The following RNFT2 variants were observed in gnomAD, a reference collection of about 807,000 sequenced individuals.
The protein encoded by RNFT2 is E3 ubiquitin-protein ligase RNFT2.
In RNFT2, 36 loss-of-function variants were observed where a neutral mutation model predicts 53.0. The observed-to-expected ratio is 0.68, with a 90% CI of 0.52 to 0.90. The LOEUF is 0.90. RNFT2 is among the 40% of genes least tolerant of loss of function. The pLI is 0.00. For missense variants in RNFT2, 514 were observed against 585.6 expected (o/e 0.88, Z 1.26); for synonymous variants, 260 against 253.2 (o/e 1.03, Z -0.26).
chr12:116,808,234 G>C (rs116237247), intron 7 of RNFT2, among the ~76,000 whole-genome samples: 1 of 151,944 alleles, frequency 6.6e-6, no homozygotes, highest in South Asian at 2.1e-4. Flanking sequence ...TAAAGTGCTC[G>C]TAAGCCACCA....
intron 7 of RNFT2, among the ~76,000 whole-genome samples, chr12:116,827,021 A>T (rs1347976654): frequency 6.6e-6 from 1 of 152,062 alleles, no homozygotes; most frequent in Non-Finnish European, 1.5e-5. Context: ...GGAGTTCGAG[A>T]CCAGCCTGGG....
chr12:116,750,902 ATATATATT>A (rs1872216905), intron 4 of RNFT2, among the ~76,000 whole-genome samples: 3 of 16,082 alleles, frequency 1.9e-4, no homozygotes, highest in Admixed American at 7.3e-4. Flanking sequence ...ATATATATAT[ATATATATT>A]TTTTTTTGAG....
Position 116,753,964 on chromosome 12 carries a change from G to A in RNFT2, c.551-20G>A. The stretch of plus-strand genomic sequence containing the variant: ...TGATGAGTCTAAGTGGGTGACATCA[G>A]GCCCTTCTCTGTCCCACAGGCATTG... On this transcript the variant is annotated intron_variant, in intron 4 of 10. Coordinates refer to ENST00000257575, the MANE Select transcript of RNFT2 (RefSeq NM_001382266.1). 6.2e-7 allele frequency: 1 copy of A among 1,611,938 alleles called. No individual in the cohort carries two copies. The highest frequency in any genetic ancestry group is 8.5e-7 in the Non-Finnish European group (1 of 1,178,126).
At chr12:116,807,207 G>A (rs1298517569) in intron 7 of RNFT2, among the ~76,000 whole-genome samples, 1 of 152,178 alleles carries the variant, frequency 6.6e-6, no homozygotes, top group African/African-American at 2.4e-5. Flanking sequence ...CTATAAATGA[G>A]AGACTGGAAG....
chr12:116,754,121 C>A, intron 5 of RNFT2, 61 bp downstream of exon 5: 1 of 1,366,818 alleles, frequency 7.3e-7, no homozygotes, highest in Non-Finnish European at 1.0e-6. Flanking sequence ...ACAAGCCAGG[C>A]ACAGTCTTCC....
At chr12:116,749,768 C>A in intron 3 of RNFT2, 73 bp from the exon 4 acceptor site, 1 of 1,307,510 alleles carries the variant, frequency 7.6e-7, no homozygotes, top group Non-Finnish European at 1.1e-6. Context: ...TATTATTAGT[C>A]CCCATCCTCC....
At position 116,768,247 on chromosome 12, in the gene RNFT2, C is replaced by T. The variant is rs557596633; in HGVS notation, c.728+1333C>T. Among the ~76,000 whole-genome samples, 205 of 151,948 alleles carry T rather than the reference C, an allele frequency of 1.3e-3. 1 individual carries two copies. Among genetic ancestry groups the T allele is most frequent in the African/African-American group, 4.7e-3 (195 of 41,458 alleles). ...TCTTGAGTAGCTGGGATTACAGGCACCTGCCACCATGCCCAGCTAATTCTT... is the reference window on the plus strand; with the variant it reads ...TCTTGAGTAGCTGGGATTACAGGCATCTGCCACCATGCCCAGCTAATTCTT... On this transcript the variant is annotated intron_variant, in intron 6 of 10. Coordinates refer to ENST00000257575, the MANE Select transcript of RNFT2 (RefSeq NM_001382266.1).
At chr12:116,793,828 C>T in intron 7 of RNFT2, among the ~76,000 whole-genome samples, 1 of 152,178 alleles carries the variant, frequency 6.6e-6, no homozygotes, top group East Asian at 1.9e-4. Context: ...CATTTTATAT[C>T]TTTCCTAGCA....
intron 5 of RNFT2, among the ~76,000 whole-genome samples, chr12:116,756,222 G>A (rs962557271): frequency 2.0e-5 from 3 of 152,044 alleles, no homozygotes; most frequent in Admixed American, 6.6e-5. Context: ...CCATTTGTTC[G>A]TGTCATCTAT....
intron 7 of RNFT2, among the ~76,000 whole-genome samples, chr12:116,810,573 GC>G (rs1283283842): frequency 2.0e-5 from 3 of 152,104 alleles, no homozygotes; most frequent in African/African-American, 7.2e-5. Flanking sequence ...CACGTTCTTG[GC>G]TCCGAGACCC....
chr12:116,834,502 TC>T (rs1876857161), intron 8 of RNFT2, among the ~76,000 whole-genome samples: 1 of 152,162 alleles, frequency 6.6e-6, no homozygotes, highest in African/African-American at 2.4e-5. Flanking sequence ...TCTGTCTAGT[TC>T]CAAGACATTT....
rs1250359544 is a variant in RNFT2, at chr12:116,806,381, AATATAT to A, written c.882+27047_882+27052del. Among the ~76,000 whole-genome samples, 607 of 133,454 alleles carry A rather than the reference AATATAT, an allele frequency of 4.5e-3. 8 individuals carry two copies. The highest frequency in any genetic ancestry group is 0.018 in the African/African-American group (560 of 30,974). The allele number at this position is 133,454 out of a possible 152,430, so 87.6% of individuals were successfully genotyped here. On this transcript the variant is annotated intron_variant, in intron 7 of 10. Coordinates refer to ENST00000257575, the MANE Select transcript of RNFT2 (RefSeq NM_001382266.1). ...TGAGACTGTCTCAAAAAAAAAAAAA[AATATAT>A]ATATATATATATAGATAGATAGATA...
chr12:116,813,024 C>A (rs116243410), intron 7 of RNFT2, among the ~76,000 whole-genome samples: 1 of 152,178 alleles, frequency 6.6e-6, no homozygotes, highest in Non-Finnish European at 1.5e-5. Flanking sequence ...GGCACGATCA[C>A]GATTCATTGC....
intron 10 of RNFT2, among the ~76,000 whole-genome samples, chr12:116,841,815 AT>A (rs1234161868): frequency 5.0e-5 from 4 of 80,394 alleles, no homozygotes; most frequent in African/African-American, 2.2e-4. Context: ...AAATATATAT[AT>A]AAAAATATAT....
chr12:116,830,688 T>C lies in RNFT2; in HGVS notation c.883-3104T>C, dbSNP rs1876595913. On this transcript the variant is annotated intron_variant, in intron 7 of 10. Coordinates refer to ENST00000257575, the MANE Select transcript of RNFT2 (RefSeq NM_001382266.1). ...GGGAGGCTGAAGTGAAGTAGGTGGA[T>C]CACCTGTGGTCAGGAATATGAGACC... 2.0e-5 allele frequency among the ~76,000 whole-genome samples: 3 copies of C among 152,070 alleles called. No homozygotes were observed. The South Asian group carries it at 6.2e-4, about 32-fold the overall frequency.
chr12:116,808,485 C>T (rs566981024), intron 7 of RNFT2, among the ~76,000 whole-genome samples: 7 of 152,294 alleles, frequency 4.6e-5, no homozygotes, highest in South Asian at 2.1e-4. Flanking sequence ...CACCAAGGGA[C>T]GCAGCAGGGA....
intron 7 of RNFT2, among the ~76,000 whole-genome samples, chr12:116,833,306 G>A (rs922649533): frequency 2.4e-4 from 36 of 152,170 alleles, no homozygotes; most frequent in Admixed American, 1.6e-3. Context: ...GTATCTCCCC[G>A]CTTTGGGCCT....
At chr12:116,789,440 AGATG>A (rs200853523) in intron 7 of RNFT2, among the ~76,000 whole-genome samples, 135 of 126,864 alleles carry the variant, frequency 1.1e-3, no homozygotes, top group East Asian at 2.3e-3. Flanking sequence ...GATGGATGGT[AGATG>A]GATGGATGGA....
chr12:116,749,316 C>T (rs1872063772), intron 3 of RNFT2, among the ~76,000 whole-genome samples: 1 of 133,300 alleles, frequency 7.5e-6, no homozygotes, highest in Admixed American at 8.7e-5. Flanking sequence ...GGCTCTCTGT[C>T]GCCCAGGCTG....
Sources: gnomAD v4.1 joint callset for allele counts (sites outside exome capture counted in the v4.1 genomes callset) on GRCh38, gnomAD v4.1.1 for gene constraint, MANE v1.5 for transcripts, NCBI Gene and HGNC (gene_info 2026-07-23, HGNC 2026-07-21) for gene names.